The following MAP1B variants were observed in gnomAD, a reference collection of about 807,000 sequenced individuals.
MAP1B encodes the protein microtubule-associated protein 1B.
A neutral mutation model predicts 176.1 loss-of-function variants in MAP1B; 12 were observed. That is an observed-to-expected ratio of 0.07 (90% confidence interval 0.04 to 0.11). The LOEUF (loss-of-function observed/expected upper bound fraction) is 0.11. Ranked by LOEUF, MAP1B falls within the 10% of genes least tolerant of loss-of-function variation. The pLI is 1.00. For synonymous variants in MAP1B, 1,044 were observed against 1,135.0 expected (o/e 0.92, Z 1.61); for missense variants, 2,523 against 2,990.5 (o/e 0.84, Z 3.65).
chr5:72,180,009 C>A, intron 2 of MAP1B: 1 of 831,594 alleles, frequency 1.2e-6, no homozygotes, highest in Non-Finnish European at 1.5e-6. Context: ...TGCCAGGGGC[C>A]ACCTCGGCAG....
chr5:72,187,220 G>A (rs1342890564), intron 4 of MAP1B, among the ~76,000 whole-genome samples: 1 of 152,174 alleles, frequency 6.6e-6, no homozygotes, highest in Non-Finnish European at 1.5e-5. Context: ...AAGAGAGAGG[G>A]CTTTACAAAA....
At chr5:72,140,025 G>A (rs911310071) in intron 2 of MAP1B, among the ~76,000 whole-genome samples, 6 of 151,860 alleles carry the variant, frequency 4.0e-5, no homozygotes, top group Admixed American at 6.6e-5. Context: ...GCAGTGGCGC[G>A]GTCTCAGCTC....
intron 2 of MAP1B, among the ~76,000 whole-genome samples, chr5:72,134,533 G>A (rs1445448644): frequency 6.6e-6 from 1 of 151,964 alleles, no homozygotes; most frequent in East Asian, 1.9e-4. Context: ...ATTTGGTTTT[G>A]CTTCATTTTG....
chr5:72,132,832 C>T (rs571056385), intron 2 of MAP1B, among the ~76,000 whole-genome samples: 1 of 152,116 alleles, frequency 6.6e-6, no homozygotes, highest in South Asian at 2.1e-4. Context: ...CTCATTTTTC[C>T]TTGTGCTGCA....
chr5:72,200,114 G>A lies in MAP1B; in HGVS notation c.6759G>A (p.Lys2253=). 6 of 1,614,220 alleles carry A rather than the reference G, an allele frequency of 3.7e-6. No homozygotes were observed. Among genetic ancestry groups the A allele is most frequent in the Non-Finnish European group, 5.1e-6 (6 of 1,180,048 alleles). The change falls in exon 5 of 7, where the codon AAG becomes AAA. Residue 2253 remains lysine (K), a synonymous_variant. Coordinates refer to ENST00000296755, the MANE Select transcript of MAP1B (RefSeq NM_005909.5). The part of the protein sequence containing the change: ...TKTKKPGTKT[K]SSSPVKKSDG... The stretch of plus-strand genomic sequence containing the variant: ...CCAAAAAGCCAGGTACAAAGACCAA[G>A]TCATCTTCACCTGTCAAAAAGAGTG...
In MAP1B at chr5:72,132,498, G is replaced by A. The variant is rs116422527; in HGVS notation, c.286+16699G>A. ...CTTCGATCTTCTTCTGTGTATTCTA[G>A]GAGAACATTTCACATTTGTCCTGTA... is the stretch of plus-strand genomic sequence containing the variant. On this transcript the variant is annotated intron_variant, in intron 2 of 6. Coordinates refer to ENST00000296755, the MANE Select transcript of MAP1B (RefSeq NM_005909.5). Among the ~76,000 whole-genome samples the A allele has an allele frequency of 4.7e-3, 713 of 152,194 alleles. 5 individuals carry two copies. Among genetic ancestry groups the A allele is most frequent in the African/African-American group, 0.017 (692 of 41,512 alleles).
chr5:72,194,690 C>A lies in MAP1B; in HGVS notation c.1335C>A (p.Asn445Lys). The A allele has an allele frequency of 6.2e-7, 1 of 1,614,182 alleles. No homozygotes were observed. Among genetic ancestry groups the A allele is most frequent in the Non-Finnish European group, 8.5e-7 (1 of 1,180,034 alleles). The part of the protein sequence containing the change: ...QYFMQQWTGT[N>K]KDKAEFILPN... ...TTATGCAGCAGTGGACTGGTACCAA[C>A]AAAGACAAGGCTGAATTCATTCTGC... The change falls in exon 5 of 7, where the codon AAC (asparagine) becomes AAA (lysine). Residue 445 changes from asparagine (N) to lysine (K), a missense_variant. Physicochemically the swap from Asn to Lys is moderately conservative, Grantham distance 94. Transcript: ENST00000296755. This position sits in a 1 kb window ranked among gnomAD's most constrained non-coding sequence, Gnocchi z 7.2.
At chr5:72,123,919 C>T (rs1055446112) in intron 2 of MAP1B, among the ~76,000 whole-genome samples, 2 of 152,162 alleles carry the variant, frequency 1.3e-5, no homozygotes, top group Admixed American at 1.3e-4. Context: ...GTGTGAGTCA[C>T]CCTGCCCAGC....
chr5:72,198,548 C>A lies in MAP1B; in HGVS notation c.5193C>A (p.Ser1731=), dbSNP rs78388066. 6.8e-4 allele frequency: 1,104 copies of A among 1,614,020 alleles called. 17 individuals carry two copies. In the East Asian group the frequency reaches 0.018, roughly 27 times the overall value. ...ISVSQVEASP[S]TSSAHTPSQI... The stretch of plus-strand genomic sequence containing the variant: ...TATCTCAGGTAGAGGCCTCCCCGTC[C>A]ACCTCTTCTGCTCATACCCCTTCTC... Residue 1731 remains serine (S), a synonymous_variant, in exon 5 of 7, where the codon TCC becomes TCA. Transcript: ENST00000296755.
rs530259492 is a variant in MAP1B at position 72,108,690 on chromosome 5, C to A, written c.184+975C>A. Among the ~76,000 whole-genome samples, 843 of 152,232 alleles carry A rather than the reference C, an allele frequency of 5.5e-3. 4 individuals are homozygous for A. The highest frequency in any genetic ancestry group is 0.01 in the Middle Eastern group (3 of 292). On this transcript the variant is annotated intron_variant, in intron 1 of 6. Transcript: ENST00000296755. The stretch of plus-strand genomic sequence containing the variant: ...GGACCGCCCGCCACACCTGCCCCCC[C>A]ACACTGCGGCGCCCCCGTCGGGCAC...
chr5:72,195,285 G>C lies in MAP1B; in HGVS notation c.1930G>C (p.Val644Leu), dbSNP rs765171469. ...GAAGACGGTGAAAAAGGAAACAAAG[G>C]TAAAGCCTGAAGACAAGAAAGAGGA... ...KEKTVKKETK[V>L]KPEDKKEEKE... The change falls in exon 5 of 7, where the codon GTA becomes CTA. Residue 644 changes from valine (V) to leucine (L), a missense_variant. Val to Leu is a conservative substitution (Grantham distance 32). Coordinates refer to ENST00000296755, the MANE Select transcript of MAP1B (RefSeq NM_005909.5). The C allele has an allele frequency of 1.9e-6, 3 of 1,613,408 alleles. No individual in the cohort carries two copies. Among genetic ancestry groups the C allele is most frequent in the Non-Finnish European group, 2.5e-6 (3 of 1,179,886 alleles).
Position 72,193,846 on chromosome 5 carries a change from T to C in MAP1B, c.511-20T>C. ...ATCACTTACACCTTTTCTTTCTTTC[T>C]TTCTTTCTTTAAAACCCAGATCGGG... On this transcript the variant is annotated intron_variant, in intron 4 of 6. Transcript: ENST00000296755. The C allele has an allele frequency of 6.4e-7, 1 of 1,553,328 alleles. No individual in the cohort carries two copies. The highest frequency in any genetic ancestry group is 8.6e-7 in the Non-Finnish European group (1 of 1,156,470).
At chr5:72,115,984 G>T (rs1188731639) in intron 2 of MAP1B, 185 bp downstream of exon 2, 1 of 520,876 alleles carries the variant, frequency 1.9e-6, no homozygotes, top group Non-Finnish European at 3.5e-6. Flanking sequence ...CACTGTGTGG[G>T]TTATCTATTT....
At chr5:72,108,866 C>G (rs1163323059) in intron 1 of MAP1B, among the ~76,000 whole-genome samples, 1 of 152,212 alleles carries the variant, frequency 6.6e-6, no homozygotes, top group Non-Finnish European at 1.5e-5. Flanking sequence ...TCCCGGCCCT[C>G]CCCTCGCTCC....
At chr5:72,111,167 C>T (rs1455302144) in intron 1 of MAP1B, among the ~76,000 whole-genome samples, 3 of 152,264 alleles carry the variant, frequency 2.0e-5, no homozygotes, top group African/African-American at 7.2e-5. Flanking sequence ...TCAGCAAAAC[C>T]CTGCTTCTTG....
At chr5:72,165,493 T>G (rs1746410894) in intron 2 of MAP1B, among the ~76,000 whole-genome samples, 1 of 152,116 alleles carries the variant, frequency 6.6e-6, no homozygotes, top group Non-Finnish European at 1.5e-5. Context: ...ACTTAGGGGA[T>G]TCAATGGTCC....
At chr5:72,166,686 T>A (rs1166938147) in intron 2 of MAP1B, among the ~76,000 whole-genome samples, 1 of 152,230 alleles carries the variant, frequency 6.6e-6, no homozygotes, top group Non-Finnish European at 1.5e-5. Flanking sequence ...GTGAAGCGTC[T>A]TGTCTTTATG....
intron 2 of MAP1B, among the ~76,000 whole-genome samples, chr5:72,173,541 C>A (rs910144393): frequency 6.6e-6 from 1 of 152,154 alleles, no homozygotes; most frequent in Non-Finnish European, 1.5e-5. Context: ...GTCTAATTAA[C>A]CATGTGAAAG....
intron 1 of MAP1B, among the ~76,000 whole-genome samples, chr5:72,108,876 C>G (rs959700371): frequency 6.6e-6 from 1 of 152,210 alleles, no homozygotes; most frequent in Non-Finnish European, 1.5e-5. Context: ...CCCCTCGCTC[C>G]TGACAGAGGT....
Sources: allele counts gnomAD v4.1 joint callset (sites outside exome capture counted in the v4.1 genomes callset), GRCh38; gene constraint gnomAD v4.1.1; non-coding constraint Gnocchi (gnomAD v3.1); transcripts MANE v1.5; gene names NCBI Gene and HGNC (gene_info 2026-07-23, HGNC 2026-07-21).